Variants in AP3B1 observed in about 807,000 individuals in gnomAD.
The protein encoded by AP3B1 is adaptor related protein complex 3 subunit beta 1.
AP3B1 carries 61 observed loss-of-function variants against 132.5 expected under a neutral mutation model. The ratio of observed to expected loss-of-function variants is 0.46; its 90% CI spans 0.37 to 0.57. The LOEUF (loss-of-function observed/expected upper bound fraction) is 0.57. Ranked by LOEUF, AP3B1 falls within the 20% of genes least tolerant of loss-of-function variation. The probability of loss-of-function intolerance (pLI) is 0.00; values close to 1 mark genes in which losing one functional copy is unlikely to be tolerated. For synonymous variants in AP3B1, 388 were observed against 438.3 expected (o/e 0.89, Z 1.43); for missense variants, 1,120 against 1,289.4 (o/e 0.87, Z 2.01).
chr5:78,004,136 G>A (rs929081904), intron 26 of AP3B1, among the ~76,000 whole-genome samples: 2 of 152,144 alleles, frequency 1.3e-5, no homozygotes, highest in African/African-American at 2.4e-5. Context: ...TATGACACGT[G>A]TCTGAATCTG....
chr5:78,257,661 A>G (rs1452586173), intron 2 of AP3B1, among the ~76,000 whole-genome samples: 1 of 152,244 alleles, frequency 6.6e-6, no homozygotes, highest in African/African-American at 2.4e-5. Context: ...ATAGAAATAG[A>G]AAAAGAAATC....
intron 2 of AP3B1, among the ~76,000 whole-genome samples, chr5:78,241,496 G>A (rs1353824269): frequency 6.6e-6 from 1 of 152,174 alleles, no homozygotes; most frequent in Non-Finnish European, 1.5e-5. Flanking sequence ...CATTTGCAAT[G>A]GGGGAATTGA....
At chr5:78,101,451 G>T in intron 20 of AP3B1, 1 of 332,596 alleles carries the variant, frequency 3.0e-6, no homozygotes, top group Non-Finnish European at 5.8e-6. Flanking sequence ...TGATAGGTCA[G>T]CCTTTTCTGA....
intron 26 of AP3B1, among the ~76,000 whole-genome samples, chr5:78,009,512 A>G: frequency 6.6e-6 from 1 of 152,134 alleles, no homozygotes; most frequent in Admixed American, 6.6e-5. Context: ...CTTGAATTAA[A>G]TAATAAGACT....
intron 1 of AP3B1, among the ~76,000 whole-genome samples, chr5:78,292,132 T>A (rs910396070): frequency 6.6e-6 from 1 of 152,122 alleles, no homozygotes; most frequent in Non-Finnish European, 1.5e-5. Flanking sequence ...TTCATCAGAG[T>A]AAACCATTAA....
At chr5:78,129,074 A>G in intron 16 of AP3B1, 47 bp downstream of exon 16, 1 of 1,520,170 alleles carries the variant, frequency 6.6e-7, no homozygotes, top group Non-Finnish European at 9.0e-7. Context: ...ACATCTTGTC[A>G]TAATTTTTTA....
chr5:78,212,904 A>T (rs751976385), intron 7 of AP3B1, among the ~76,000 whole-genome samples: 32 of 151,744 alleles, frequency 2.1e-4, no homozygotes, highest in African/African-American at 2.7e-4. Context: ...TTATTTATTT[A>T]TTTTTTTGAG....
intron 22 of AP3B1, chr5:78,088,855 T>C (rs1750378557): frequency 6.5e-6 from 1 of 153,506 alleles, no homozygotes; most frequent in Admixed American, 6.5e-5. Context: ...TTGCATTATT[T>C]TGTGACAGGT....
intron 17 of AP3B1, among the ~76,000 whole-genome samples, chr5:78,126,107 T>C (rs1404308582): frequency 6.7e-6 from 1 of 149,476 alleles, no homozygotes; most frequent in African/African-American, 2.5e-5. Flanking sequence ...AAACGAACCA[T>C]AAAAACAACA....
intron 1 of AP3B1, among the ~76,000 whole-genome samples, chr5:78,278,800 G>C (rs1262788266): frequency 6.6e-6 from 1 of 152,014 alleles, no homozygotes; most frequent in African/African-American, 2.4e-5. Flanking sequence ...CCTCCTGTCA[G>C]ATCAGTAGCG....
At chr5:78,111,270 A>G (rs778531427) in intron 19 of AP3B1, among the ~76,000 whole-genome samples, 1 of 152,176 alleles carries the variant, frequency 6.6e-6, no homozygotes, top group Admixed American at 6.5e-5. Flanking sequence ...TAAAATATCA[A>G]ATGATCATAC....
At chr5:78,098,339 T>C (rs929255537) in intron 21 of AP3B1, among the ~76,000 whole-genome samples, 1 of 151,564 alleles carries the variant, frequency 6.6e-6, no homozygotes, top group Non-Finnish European at 1.5e-5. Flanking sequence ...CATATAAAAA[T>C]ATACTTTTTT....
chr5:78,107,921 T>A (rs79392597), intron 20 of AP3B1, among the ~76,000 whole-genome samples: 221 of 152,358 alleles, frequency 1.5e-3, no homozygotes, highest in African/African-American at 5.2e-3. Context: ...TACATTGATC[T>A]TTCATATTTT....
At chr5:78,184,020 T>G (rs991945519) in intron 7 of AP3B1, among the ~76,000 whole-genome samples, 7 of 149,778 alleles carry the variant, frequency 4.7e-5, no homozygotes, top group Non-Finnish European at 1.5e-5. Context: ...ATACAAAAAT[T>G]AGCCAGGCAT....
intron 11 of AP3B1, among the ~76,000 whole-genome samples, chr5:78,173,916 A>G (rs932469689): frequency 6.6e-6 from 1 of 151,894 alleles, no homozygotes; most frequent in Admixed American, 6.6e-5. Context: ...TCGTCTTCTC[A>G]CTTTTTTCAT....
rs1580599517 is a variant in AP3B1 at position 78,289,073 on chromosome 5, T to C, written c.128+5379A>G. 2.0e-5 allele frequency among the ~76,000 whole-genome samples: 3 copies of C among 152,028 alleles called. No individual in the cohort carries two copies. The East Asian group carries it at 5.8e-4, about 29-fold the overall frequency. ...CAATGACTCTTTGAGGTAGGTCAAA[T>C]ATAATGCGTTACTATTAATAAAATT... On this transcript the variant is annotated intron_variant, in intron 1 of 26. Transcript: ENST00000255194.
intron 22 of AP3B1, chr5:78,044,011 C>A: frequency 3.4e-6 from 1 of 290,930 alleles, no homozygotes; most frequent in South Asian, 3.9e-5. Context: ...AACATTAGAT[C>A]AACCCCTGAA....
intron 23 of AP3B1, among the ~76,000 whole-genome samples, chr5:78,036,430 A>G (rs1290282430): frequency 1.3e-5 from 2 of 152,164 alleles, no homozygotes; most frequent in Non-Finnish European, 2.9e-5. Context: ...TTACGCCACA[A>G]CATTAATATC....
intron 1 of AP3B1, among the ~76,000 whole-genome samples, chr5:78,273,306 G>A (rs563400194): frequency 1.4e-4 from 21 of 152,232 alleles, no homozygotes; most frequent in African/African-American, 4.8e-4. Context: ...TCAGAGACAC[G>A]GTGGGAGAAT....
Sources: allele counts gnomAD v4.1 joint callset (sites outside exome capture counted in the v4.1 genomes callset), GRCh38; gene constraint gnomAD v4.1.1; transcripts MANE v1.5; gene names NCBI Gene and HGNC (gene_info 2026-07-23, HGNC 2026-07-21).